SLC35F1: variants seen among roughly 807,000 people sequenced by gnomAD.
SLC35F1 encodes chromosome 6 open reading frame 169.
A neutral mutation model predicts 48.7 loss-of-function variants in SLC35F1; 14 were observed. The ratio of observed to expected loss-of-function variants is 0.29; its 90% CI spans 0.19 to 0.45. The LOEUF is 0.45. Ranked by LOEUF, SLC35F1 falls within the 20% of genes least tolerant of loss-of-function variation. The pLI is 1.00. For synonymous variants in SLC35F1, 190 were observed against 202.2 expected (o/e 0.94, Z 0.51); for missense variants, 404 against 500.0 (o/e 0.81, Z 1.83).
At chr6:118,169,860 C>T (rs1774375485) in intron 2 of SLC35F1, among the ~76,000 whole-genome samples, 1 of 151,978 alleles carries the variant, frequency 6.6e-6, no homozygotes, top group African/African-American at 2.4e-5. Context: ...TTCTGTGAGC[C>T]AAAATAAGAT....
At chr6:117,947,253 G>T (rs1776306614) in intron 1 of SLC35F1, among the ~76,000 whole-genome samples, 1 of 152,154 alleles carries the variant, frequency 6.6e-6, no homozygotes, top group African/African-American at 2.4e-5. Context: ...AAATGCAAAT[G>T]CCTGAGCCCA....
chr6:118,121,116 G>A (rs1355318669), intron 1 of SLC35F1, among the ~76,000 whole-genome samples: 3 of 152,142 alleles, frequency 2.0e-5, no homozygotes, highest in Admixed American at 6.5e-5. Context: ...ATCAAAAGGC[G>A]AAAGAATAGG....
intron 1 of SLC35F1, among the ~76,000 whole-genome samples, chr6:117,922,399 T>G (rs1204580574): frequency 6.6e-6 from 1 of 152,188 alleles, no homozygotes; most frequent in African/African-American, 2.4e-5. Context: ...TAAACAAAAT[T>G]AGATTTATAT....
At chr6:117,926,722 C>A (rs1355913050) in intron 1 of SLC35F1, among the ~76,000 whole-genome samples, 1 of 152,086 alleles carries the variant, frequency 6.6e-6, no homozygotes, top group Non-Finnish European at 1.5e-5. Flanking sequence ...GGGGCCAGAT[C>A]ATGCAGGGCT....
intron 1 of SLC35F1, among the ~76,000 whole-genome samples, chr6:118,151,366 C>G (rs1353287387): frequency 6.6e-6 from 1 of 152,194 alleles, no homozygotes; most frequent in African/African-American, 2.4e-5. Flanking sequence ...ACTCTGATCC[C>G]ATGCTACTAA....
intron 3 of SLC35F1, among the ~76,000 whole-genome samples, chr6:118,246,558 A>G (rs1029278714): frequency 1.3e-5 from 2 of 152,120 alleles, no homozygotes; most frequent in African/African-American, 4.8e-5. Flanking sequence ...TGTAAACCTA[A>G]GTTTTACTGA....
At chr6:118,216,877 A>T (rs959473693) in intron 2 of SLC35F1, among the ~76,000 whole-genome samples, 1 of 152,184 alleles carries the variant, frequency 6.6e-6, no homozygotes, top group Non-Finnish European at 1.5e-5. Flanking sequence ...TGTGAACATA[A>T]TAAGGCATGT....
At chr6:118,220,231 T>C (rs1775129621) in intron 2 of SLC35F1, among the ~76,000 whole-genome samples, 1 of 151,986 alleles carries the variant, frequency 6.6e-6, no homozygotes, top group Admixed American at 6.6e-5. Context: ...AAGGATACAA[T>C]TAAGTTCCCA....
chr6:117,935,010 GGC>G (rs1776147301), intron 1 of SLC35F1, among the ~76,000 whole-genome samples: 1 of 152,182 alleles, frequency 6.6e-6, no homozygotes. Context: ...TGAATGCTGA[GGC>G]AGGAGAATCG....
At chr6:118,208,598 C>G (rs1163882925) in intron 2 of SLC35F1, among the ~76,000 whole-genome samples, 1 of 152,080 alleles carries the variant, frequency 6.6e-6, no homozygotes, top group Non-Finnish European at 1.5e-5. Flanking sequence ...GTAATAAGTG[C>G]TTTTTAATTA....
At chr6:117,992,128 C>G (rs1776926816) in intron 1 of SLC35F1, among the ~76,000 whole-genome samples, 4 of 151,982 alleles carry the variant, frequency 2.6e-5, no homozygotes, top group African/African-American at 4.8e-5. Context: ...AATATTCAAG[C>G]AGATTTTTTT....
At chr6:118,060,476 A>G (rs1045515875) in intron 1 of SLC35F1, among the ~76,000 whole-genome samples, 1 of 152,036 alleles carries the variant, frequency 6.6e-6, no homozygotes, top group Non-Finnish European at 1.5e-5. Flanking sequence ...TTATCCCTTT[A>G]TCACTACACA....
intron 1 of SLC35F1, among the ~76,000 whole-genome samples, chr6:118,049,568 A>G (rs919568929): frequency 7.9e-5 from 12 of 151,770 alleles, no homozygotes; most frequent in Non-Finnish European, 1.2e-4. Flanking sequence ...ATGAACAGAC[A>G]CTTCTCAAAA....
intron 1 of SLC35F1, among the ~76,000 whole-genome samples, chr6:118,013,656 T>G (rs1218155393): frequency 6.6e-6 from 1 of 152,220 alleles, no homozygotes; most frequent in African/African-American, 2.4e-5. Context: ...TGGGAAAACC[T>G]GAAGCAATCG....
At chr6:118,034,513 G>GCGACA (rs1385224266) in intron 1 of SLC35F1, among the ~76,000 whole-genome samples, 1 of 152,060 alleles carries the variant, frequency 6.6e-6, no homozygotes, top group African/African-American at 2.4e-5. Context: ...AGGAGAGATT[G>GCGACA]CGACACTGCA....
chr6:118,285,472 T>C, intron 7 of SLC35F1, 134 bp downstream of exon 7: 2 of 953,500 alleles, frequency 2.1e-6, no homozygotes, highest in Non-Finnish European at 1.6e-6. Context: ...CTAACCTCCA[T>C]GATTTAGGTA....
At chr6:118,027,021 T>C (rs1771963108) in intron 1 of SLC35F1, among the ~76,000 whole-genome samples, 1 of 152,194 alleles carries the variant, frequency 6.6e-6, no homozygotes, top group African/African-American at 2.4e-5. Flanking sequence ...GGGTTCTGTC[T>C]TTGTCTTTTC....
chr6:118,003,915 A>G lies in SLC35F1; in HGVS notation c.173+96016A>G, dbSNP rs554127626. Among the ~76,000 whole-genome samples, 5 of 152,338 alleles carry G rather than the reference A, an allele frequency of 3.3e-5. No individual in the cohort carries two copies. In the East Asian group the frequency reaches 7.7e-4, roughly 24 times the overall value. ...AAGAGGAGAGATTCAGAACTGGTTCAGTCTCAGTATCCTTATTCATGAAGT... is the reference window on the plus strand; with the variant it reads ...AAGAGGAGAGATTCAGAACTGGTTCGGTCTCAGTATCCTTATTCATGAAGT... On this transcript the variant is annotated intron_variant, in intron 1 of 7. Transcript: ENST00000360388.
intron 1 of SLC35F1, among the ~76,000 whole-genome samples, chr6:118,062,726 GA>G (rs1582644965): frequency 6.6e-6 from 1 of 151,578 alleles, no homozygotes; most frequent in South Asian, 2.1e-4. Context: ...ATGAAATATT[GA>G]AAAAAACCCT....
Sources: gnomAD v4.1 joint callset for allele counts (sites outside exome capture counted in the v4.1 genomes callset) on GRCh38, gnomAD v4.1.1 for gene constraint, MANE v1.5 for transcripts, NCBI Gene and HGNC (gene_info 2026-07-23, HGNC 2026-07-21) for gene names.